Variants in PLEKHA4 observed in about 807,000 individuals in gnomAD.
The protein encoded by PLEKHA4 is pleckstrin homology domain-containing family A member 4.
In PLEKHA4, 73 loss-of-function variants were observed where a neutral mutation model predicts 94.7. The observed-to-expected ratio is 0.77, with a 90% CI of 0.64 to 0.94. PLEKHA4 has a LOEUF of 0.94. Among genes scored for constraint, PLEKHA4 ranks in the 40% least tolerant of loss-of-function variants. The pLI is 0.00. For synonymous variants in PLEKHA4, 449 were observed against 437.1 expected (o/e 1.03, Z -0.34); for missense variants, 1,049 against 1,054.1 (o/e 1.00, Z 0.07).
Position 48,848,027 on chromosome 19 carries a change from GCAGA to G in PLEKHA4, c.1435_1438del (p.Ser479LeufsTer51). ...TTCCACCATCCACAGCTGCTGCTGA[GCAGA>G]CACTCTGTCCTGCAGGGAGGAAAGG... On this transcript the variant is annotated frameshift_variant, in exon 14 of 20. Transcript: ENST00000263265. LOFTEE classifies it high-confidence loss of function. The G allele has an allele frequency of 6.2e-7, 1 of 1,613,694 alleles. No individual in the cohort carries two copies. The highest frequency in any genetic ancestry group is 8.5e-7 in the Non-Finnish European group (1 of 1,179,984).
chr19:48,846,655 C>T (rs1423671625), intron 14 of PLEKHA4, among the ~76,000 whole-genome samples: 1 of 152,078 alleles, frequency 6.6e-6, no homozygotes, highest in Non-Finnish European at 1.5e-5. Context: ...GTAGTCCTAG[C>T]TACTTGGGAA....
chr19:48,859,677 G>C lies in PLEKHA4; in HGVS notation c.484C>G (p.Pro162Ala). Residue 162 changes from proline (P) to alanine (A), a missense_variant, in exon 7 of 20, where the codon CCC becomes GCC. Transcript: ENST00000263265. ...GGCTGGGGTCGTGCAGGTGACCTGGGTTGCCCACTAGCGAGTGGACATAGA... is the reference window on the plus strand; with the variant it reads ...GGCTGGGGTCGTGCAGGTGACCTGGCTTGCCCACTAGCGAGTGGACATAGA... ...SRAEGDDYGQ[P>A]RSPARPQPGE... is the part of the protein sequence containing the mutation. 6.2e-7 allele frequency: 1 copy of C among 1,611,588 alleles called. No individual in the cohort carries two copies. Among genetic ancestry groups the C allele is most frequent in the Non-Finnish European group, 8.5e-7 (1 of 1,179,912 alleles).
chr19:48,853,622 G>A (rs1026134499), intron 12 of PLEKHA4, 60 bp downstream of exon 12: 82 of 1,409,038 alleles, frequency 5.8e-5, no homozygotes, highest in Middle Eastern at 2.6e-4. Context: ...GGTCCCCTTC[G>A]TAACGACTTG....
chr19:48,848,183 T>G, intron 13 of PLEKHA4, 143 bp from the exon 14 acceptor site: 1 of 1,021,596 alleles, frequency 9.8e-7, no homozygotes, highest in Non-Finnish European at 1.4e-6. Flanking sequence ...GGTTATCCAG[T>G]TGAATTGAAA....
chr19:48,860,899 T>TGGAAA lies in PLEKHA4; in HGVS notation c.367-445_367-441dup, dbSNP rs368964169. On this transcript the variant is annotated intron_variant, in intron 5 of 19. Transcript: ENST00000263265. Reference sequence around the variant, plus strand: ...AAAAGGAAAGGAAAGGAAAGGAAAATGGAAAGGAAAGGAAAGGAAAGGACT... The same window carrying TGGAAA: ...AAAAGGAAAGGAAAGGAAAGGAAAATGGAAAGGAAAGGAAAGGAAAGGAAAGGACT... 4.7e-3 allele frequency among the ~76,000 whole-genome samples: 509 copies of TGGAAA among 108,334 alleles called. 3 individuals are homozygous for TGGAAA. The highest frequency in any genetic ancestry group is 0.013 in the African/African-American group (445 of 35,234). 71.1% of individuals were successfully genotyped at this position (108,334 alleles called of 152,430 possible).
chr19:48,839,654 G>A (rs12459682), intron 17 of PLEKHA4, among the ~76,000 whole-genome samples: 2 of 151,546 alleles, frequency 1.3e-5, no homozygotes, highest in Admixed American at 6.6e-5. Context: ...CTCCTGCCTC[G>A]GCCTCCCAAA....
intron 9 of PLEKHA4, among the ~76,000 whole-genome samples, chr19:48,855,699 G>A (rs982608121): frequency 9.9e-5 from 15 of 152,008 alleles, no homozygotes; most frequent in Admixed American, 6.6e-4. Flanking sequence ...TGAGGTGGGA[G>A]TATCGCTTGG....
chr19:48,864,414 C>T (rs1431132386), intron 3 of PLEKHA4, among the ~76,000 whole-genome samples: 3 of 151,910 alleles, frequency 2.0e-5, no homozygotes, highest in Non-Finnish European at 2.9e-5. Flanking sequence ...GTGATCCGCC[C>T]GCCTCAGCCT....
Position 48,837,518 on chromosome 19 carries a change from G to A in PLEKHA4, c.2111C>T (p.Pro704Leu), listed in dbSNP as rs2035578697. ...GTCCGAAGGAGGCAGCGGCACACCGGGAAGAGGGTCTCCCTGGGAGTCCAA... is the reference window on the plus strand; with the variant it reads ...GTCCGAAGGAGGCAGCGGCACACCGAGAAGAGGGTCTCCCTGGGAGTCCAA... ...GNLDSQGDPL[P>L]GVPLPPSDPT... is the part of the protein sequence containing the mutation. Residue 704 changes from proline (P) to leucine (L), a missense_variant, in exon 20 of 20, where the codon CCC (proline) becomes CTC (leucine). Physicochemically the swap from Pro to Leu is moderately conservative, Grantham distance 98. Coordinates refer to ENST00000263265, the MANE Select transcript of PLEKHA4 (RefSeq NM_020904.3). This position sits in a 1 kb window ranked among gnomAD's most constrained non-coding sequence, Gnocchi z 4.3. 1.9e-6 allele frequency: 3 copies of A among 1,613,196 alleles called. No individual in the cohort carries two copies. Among genetic ancestry groups the A allele is most frequent in the African/African-American group, 1.3e-5 (1 of 75,000 alleles).
chr19:48,864,330 C>T (rs1243897187), intron 3 of PLEKHA4, among the ~76,000 whole-genome samples: 1 of 151,994 alleles, frequency 6.6e-6, no homozygotes, highest in African/African-American at 2.4e-5. Context: ...GCTGGCCCGG[C>T]TAATTTTTGT....
Position 48,853,714 on chromosome 19 carries a change from T to C in PLEKHA4, c.1294A>G (p.Ser432Gly), listed in dbSNP as rs1171236091. The change falls in exon 12 of 20, where the codon AGT becomes GGT. Residue 432 changes from serine to glycine, a missense_variant. Coordinates refer to ENST00000263265, the MANE Select transcript of PLEKHA4 (RefSeq NM_020904.3). ...AAGTGACAGAGGGTGGCCCTCACAC[T>C]GACCAGCCGGTCCTGCAAGAGGCGC... ...RQRLLQDRLV[S>G]VRATLCHLTQ... is the part of the protein sequence containing the mutation. The C allele has an allele frequency of 6.2e-7, 1 of 1,602,750 alleles. No homozygotes were observed. The highest frequency in any genetic ancestry group is 8.5e-7 in the Non-Finnish European group (1 of 1,176,052).
At chr19:48,866,604 G>T (rs541990456) in intron 2 of PLEKHA4, among the ~76,000 whole-genome samples, 10 of 152,308 alleles carry the variant, frequency 6.6e-5, no homozygotes, top group Admixed American at 6.5e-4. Flanking sequence ...ACTGCGCCGG[G>T]CCGAGACTCT....
intron 9 of PLEKHA4, among the ~76,000 whole-genome samples, chr19:48,855,324 C>T (rs1389302875): frequency 6.6e-6 from 1 of 152,016 alleles, no homozygotes; most frequent in East Asian, 1.9e-4. Context: ...AAAAATAGGG[C>T]CGGGTGCGGT....
chr19:48,867,691 G>T lies in PLEKHA4; in HGVS notation c.-6-65C>A. The T allele has an allele frequency of 6.9e-7, 1 of 1,443,094 alleles. No individual in the cohort carries two copies. 89.4% of individuals were successfully genotyped at this position (1,443,094 alleles called of 1,614,324 possible). On this transcript the variant is annotated intron_variant, in intron 1 of 19. Transcript: ENST00000263265. The surrounding 1 kb of genome is among the most constrained non-coding windows in gnomAD (Gnocchi z 4.7). ...CGGGTGTGAGACAGAGATGGGGTCAGGGGCTTGGAGGTCGGAGGAGGCTGC... is the reference window on the plus strand; with the variant it reads ...CGGGTGTGAGACAGAGATGGGGTCATGGGCTTGGAGGTCGGAGGAGGCTGC...
chr19:48,844,201 C>CTGGA (rs1017123029), intron 16 of PLEKHA4, among the ~76,000 whole-genome samples: 10 of 150,762 alleles, frequency 6.6e-5, no homozygotes, highest in African/African-American at 9.8e-5. Flanking sequence ...GTTGCCCAGG[C>CTGGA]TGGAGTGCAA....
At position 48,859,934 on chromosome 19, in the gene PLEKHA4, C is replaced by T. The variant is rs1404656166; in HGVS notation, c.477-250G>A. 11 of 582,938 alleles carry T rather than the reference C, an allele frequency of 1.9e-5. No individual in the cohort carries two copies. In the East Asian group the frequency reaches 2.3e-4, roughly 12 times the overall value. The allele number at this position is 582,938 out of a possible 1,614,324, so 36.1% of individuals were successfully genotyped here. On this transcript the variant is annotated intron_variant, in intron 6 of 19. Coordinates refer to ENST00000263265, the MANE Select transcript of PLEKHA4 (RefSeq NM_020904.3). ...ATGGGATAGACTCAGCCAGGTAGTC[C>T]AGTTTCCAGCCTGATAATTGGCGCA...
Position 48,868,130 on chromosome 19 carries a change from G to A in PLEKHA4, c.-54C>T. The A allele has an allele frequency of 1.3e-5, 2 of 159,634 alleles. No homozygotes were observed. Among genetic ancestry groups the A allele is most frequent in the Non-Finnish European group, 1.4e-5 (1 of 71,886 alleles). 9.9% of individuals were successfully genotyped at this position (159,634 alleles called of 1,614,324 possible). A position where few individuals can be genotyped will look rare whatever the true frequency, so the allele number is the denominator to read the frequency against. ...GGGGGGGCAAGAGGACGGTGTGGGT[G>A]CTGCGGCACCTAGGCAGTCTCCCGC... is the stretch of plus-strand genomic sequence containing the variant. On this transcript the variant is annotated 5_prime_UTR_variant, in exon 1 of 20. Coordinates refer to ENST00000263265, the MANE Select transcript of PLEKHA4 (RefSeq NM_020904.3).
intron 13 of PLEKHA4, among the ~76,000 whole-genome samples, chr19:48,848,485 CAA>C (rs5828364): frequency 4.3e-5 from 4 of 92,678 alleles, no homozygotes; most frequent in Admixed American, 2.3e-4. Context: ...GACTCCGTCT[CAA>C]AAAAAAAAAA....
At chr19:48,847,865 A>G in intron 14 of PLEKHA4, 35 bp downstream of exon 14, 1 of 1,523,844 alleles carries the variant, frequency 6.6e-7, no homozygotes, top group Non-Finnish European at 8.8e-7. Context: ...GTGGGACATG[A>G]AGCTTGGGGT....
Sources: gnomAD v4.1 joint callset for allele counts (sites outside exome capture counted in the v4.1 genomes callset) on GRCh38, gnomAD v4.1.1 for gene constraint, Gnocchi (gnomAD v3.1) non-coding constraint, MANE v1.5 for transcripts, NCBI Gene and HGNC (gene_info 2026-07-23, HGNC 2026-07-21) for gene names.